MOGAT1: variants seen among roughly 807,000 people sequenced by gnomAD.
MOGAT1 encodes monoacylglycerol O-acyltransferase 1, also known as 2-acylglycerol O-acyltransferase 1.
In MOGAT1, 32 loss-of-function variants were observed where a neutral mutation model predicts 31.4. The observed-to-expected ratio is 1.02, with a 90% CI of 0.77 to 1.37. The LOEUF (loss-of-function observed/expected upper bound fraction) is 1.37. Among genes scored for constraint, MOGAT1 ranks in the 40% most tolerant of loss-of-function variants. MOGAT1 has a pLI of 0.00. For missense variants in MOGAT1, 426 were observed against 402.0 expected, an observed-to-expected ratio of 1.06 and a Z score of -0.51; for synonymous variants, 145 against 144.5, an observed-to-expected ratio of 1.00 and a Z score of -0.03.
At position 222,695,073 on chromosome 2, in the gene MOGAT1, C is replaced by T. The variant is rs1280405067; in HGVS notation, c.654-16C>T. 9 of 1,559,294 alleles carry T rather than the reference C, an allele frequency of 5.8e-6. No individual in the cohort carries two copies. Among genetic ancestry groups the T allele is most frequent in the Non-Finnish European group, 7.8e-6 (9 of 1,152,028 alleles). On this transcript the variant is annotated splice_polypyrimidine_tract_variant and intron_variant, in intron 4 of 5. Coordinates refer to ENST00000446656, the MANE Select transcript of MOGAT1 (RefSeq NM_058165.3). ...TTTTCATTGAAAATTCTCACCCGTC[C>T]CCTTTGTTATTGCAGCGCCTCTCTG...
At chr2:222,697,013 C>G (rs1304578048) in intron 5 of MOGAT1, among the ~76,000 whole-genome samples, 2 of 152,046 alleles carry the variant, frequency 1.3e-5, no homozygotes, top group Non-Finnish European at 2.9e-5. Flanking sequence ...ACACTATAGC[C>G]TGGGTGACAG....
chr2:222,684,620 G>A (rs1041407626), intron 1 of MOGAT1, among the ~76,000 whole-genome samples: 12 of 151,734 alleles, frequency 7.9e-5, no homozygotes, highest in Admixed American at 2.6e-4. Flanking sequence ...CCTGTCACCC[G>A]GGCTGAAGTG....
At chr2:222,699,423 A>C (rs987657256) in intron 5 of MOGAT1, 1 of 154,018 alleles carries the variant, frequency 6.5e-6, no homozygotes, top group East Asian at 1.9e-4. Context: ...TTTCAGCCAC[A>C]TGCTTCAGAC....
chr2:222,707,318 G>T (rs966376721), intron 5 of MOGAT1, among the ~76,000 whole-genome samples: 2 of 143,678 alleles, frequency 1.4e-5, no homozygotes, highest in Non-Finnish European at 1.5e-5. Context: ...GAGGAAGGAA[G>T]GAAGGAGAAA....
At chr2:222,702,872 G>A (rs1692947012) in intron 5 of MOGAT1, among the ~76,000 whole-genome samples, 1 of 150,636 alleles carries the variant, frequency 6.6e-6, no homozygotes, top group South Asian at 2.1e-4. Context: ...AACTGACTAA[G>A]TAAGGGATTT....
Position 222,689,323 on chromosome 2 carries a change from A to G in MOGAT1, c.332A>G (p.His111Arg), listed in dbSNP as rs1421810932. ...SHNYIFGFHP[H>R]GIMAVGAFGN... ...AACTATATATTTGGGTTTCACCCCCATGGAATAATGGCAGTTGGAGCCTTT... is the reference window on the plus strand; with the variant it reads ...AACTATATATTTGGGTTTCACCCCCGTGGAATAATGGCAGTTGGAGCCTTT... Residue 111 changes from histidine to arginine, a missense_variant, in exon 3 of 6, where the codon CAT becomes CGT. Physicochemically the swap from His to Arg is conservative, Grantham distance 29. Transcript: ENST00000446656. 6.2e-7 allele frequency: 1 copy of G among 1,614,054 alleles called. No individual in the cohort carries two copies. The highest frequency in any genetic ancestry group is 8.5e-7 in the Non-Finnish European group (1 of 1,179,886).
intron 1 of MOGAT1, among the ~76,000 whole-genome samples, chr2:222,672,343 G>A (rs1261110773): frequency 1.3e-5 from 2 of 152,188 alleles, no homozygotes; most frequent in Admixed American, 6.5e-5. Context: ...CTGACAAAGA[G>A]CAGTGTTCCC....
intron 1 of MOGAT1, among the ~76,000 whole-genome samples, chr2:222,676,456 G>C (rs1692499265): frequency 6.6e-6 from 1 of 152,182 alleles, no homozygotes; most frequent in South Asian, 2.1e-4. Flanking sequence ...TTGTTTCTAA[G>C]CAGCATCCTC....
chr2:222,686,009 A>C (rs1222965743), intron 1 of MOGAT1, among the ~76,000 whole-genome samples: 1 of 152,220 alleles, frequency 6.6e-6, no homozygotes, highest in South Asian at 2.1e-4. Context: ...TAGCTTGGGG[A>C]CATTATTTTT....
intron 4 of MOGAT1, 86 bp downstream of exon 4, chr2:222,694,622 C>A: frequency 1.6e-6 from 2 of 1,273,182 alleles, no homozygotes; most frequent in Non-Finnish European, 2.2e-6. Context: ...GATTTTCTAG[C>A]CCTTAAAGAC....
rs561149549 is a variant in MOGAT1 at position 222,695,383 on chromosome 2, A to T, written c.853+95A>T. ...TAATGCAAGGGAAGTGGCTTTGAGT[A>T]AGAACTTCCTGAAACAATAATCCTG... On this transcript the variant is annotated intron_variant, in intron 5 of 5. Transcript: ENST00000446656. 1.8e-5 allele frequency: 13 copies of T among 732,570 alleles called. No homozygotes were observed. The East Asian group carries it at 3.5e-4, about 20-fold the overall frequency. The allele number at this position is 732,570 out of a possible 1,614,324, so 45.4% of individuals were successfully genotyped here. A position where few individuals can be genotyped will look rare whatever the true frequency, so the allele number is the denominator to read the frequency against.
chr2:222,704,972 T>G (rs1243540179), intron 5 of MOGAT1, among the ~76,000 whole-genome samples: 1 of 152,116 alleles, frequency 6.6e-6, no homozygotes, highest in African/African-American at 2.4e-5. Context: ...GGCAAGTCCA[T>G]AAAATGAAAG....
At chr2:222,689,869 A>G (rs1248933904) in intron 3 of MOGAT1, among the ~76,000 whole-genome samples, 3 of 152,256 alleles carry the variant, frequency 2.0e-5, no homozygotes, top group African/African-American at 7.2e-5. Flanking sequence ...GAAATGGAAA[A>G]TGTCTTTCAT....
intron 1 of MOGAT1, among the ~76,000 whole-genome samples, chr2:222,681,908 C>T (rs981661522): frequency 6.6e-6 from 1 of 152,170 alleles, no homozygotes; most frequent in Non-Finnish European, 1.5e-5. Flanking sequence ...GAACTGGAGG[C>T]AGAGACCAAA....
intron 1 of MOGAT1, among the ~76,000 whole-genome samples, chr2:222,678,981 A>G (rs934749973): frequency 3.9e-5 from 6 of 152,200 alleles, no homozygotes; most frequent in African/African-American, 9.6e-5. Flanking sequence ...CAAGGTCACA[A>G]AAATTTTCTT....
chr2:222,694,313 A>T, intron 3 of MOGAT1, 49 bp from the exon 4 acceptor site: 1 of 1,458,992 alleles, frequency 6.9e-7, no homozygotes, highest in Non-Finnish European at 9.3e-7. Context: ...AAAACATTGT[A>T]ATATTGTTAG....
intron 5 of MOGAT1, among the ~76,000 whole-genome samples, chr2:222,707,201 GA>G (rs1693014238): frequency 1.3e-5 from 2 of 148,790 alleles, no homozygotes; most frequent in African/African-American, 2.5e-5. Context: ...CAGAAAGAAA[GA>G]GAGACAGAAA....
intron 3 of MOGAT1, among the ~76,000 whole-genome samples, chr2:222,692,323 C>T (rs992935394): frequency 6.6e-6 from 1 of 152,176 alleles, no homozygotes; most frequent in African/African-American, 2.4e-5. Flanking sequence ...CTCATGAAGT[C>T]AGTAACTATT....
At chr2:222,704,505 T>C in intron 5 of MOGAT1, among the ~76,000 whole-genome samples, 1 of 151,938 alleles carries the variant, frequency 6.6e-6, no homozygotes, top group South Asian at 2.1e-4. Flanking sequence ...ACGCCTGTAG[T>C]CCCAGCTACT....
Sources: allele counts gnomAD v4.1 joint callset (sites outside exome capture counted in the v4.1 genomes callset), GRCh38; gene constraint gnomAD v4.1.1; transcripts MANE v1.5; gene names NCBI Gene and HGNC (gene_info 2026-07-23, HGNC 2026-07-21).